Variants in NEGR1 observed in about 807,000 individuals in gnomAD.
NEGR1 encodes the protein neuronal growth regulator 1.
Under a neutral mutation model 40.9 loss-of-function variants are expected in NEGR1, and 10 were observed. The observed-to-expected ratio is 0.24, with a 90% CI of 0.15 to 0.42. The LOEUF (loss-of-function observed/expected upper bound fraction) is 0.42, where lower values mean the gene tolerates loss of function less well. Ranked by LOEUF, NEGR1 falls within the 10% of genes least tolerant of loss-of-function variation. The pLI is 1.00. For missense variants in NEGR1, 352 were observed against 438.9 expected, an observed-to-expected ratio of 0.80 and a Z score of 1.77; for synonymous variants, 185 against 166.8, an observed-to-expected ratio of 1.11 and a Z score of -0.84.
At position 71,451,490 on chromosome 1, in the gene NEGR1, C is replaced by T. The variant is rs894642085; in HGVS notation, c.941-43920G>A. Among the ~76,000 whole-genome samples the T allele has an allele frequency of 1.1e-4, 16 of 152,014 alleles. No homozygotes were observed. The South Asian group carries it at 1.2e-3, about 12-fold the overall frequency. ...CTGGGATTACAGGTGCCCGCCACCA[C>T]GCCCAGATAATTTTTTTGTATTTTT... On this transcript the variant is annotated intron_variant, in intron 6 of 6. Coordinates refer to ENST00000357731, the MANE Select transcript of NEGR1 (RefSeq NM_173808.3).
intron 1 of NEGR1, among the ~76,000 whole-genome samples, chr1:72,230,575 A>G (rs561366317): frequency 6.6e-6 from 1 of 152,218 alleles, no homozygotes; most frequent in East Asian, 1.9e-4. Flanking sequence ...CTTGGATCTC[A>G]AATGTCCTTC....
chr1:72,046,333 G>T (rs1338662352), intron 1 of NEGR1, among the ~76,000 whole-genome samples: 5 of 151,506 alleles, frequency 3.3e-5, no homozygotes, highest in East Asian at 1.9e-4. Flanking sequence ...AGTAAAGAAA[G>T]AACACATTGA....
At chr1:71,833,493 GA>G (rs905039395) in intron 2 of NEGR1, among the ~76,000 whole-genome samples, 4 of 152,144 alleles carry the variant, frequency 2.6e-5, no homozygotes, top group Admixed American at 6.6e-5. Context: ...TTTCTGGGGG[GA>G]AAAAAGTATT....
intron 2 of NEGR1, among the ~76,000 whole-genome samples, chr1:71,845,337 A>T (rs1258415097): frequency 6.6e-6 from 1 of 152,120 alleles, no homozygotes; most frequent in Non-Finnish European, 1.5e-5. Context: ...ATCATAATCA[A>T]TTTAATAAGT....
intron 1 of NEGR1, among the ~76,000 whole-genome samples, chr1:72,171,458 T>C (rs145743382): frequency 9.5e-4 from 145 of 152,276 alleles, no homozygotes; most frequent in African/African-American, 3.3e-3. Context: ...TGCTCTCAAG[T>C]AGAAATATCA....
chr1:71,489,858 C>T (rs1274492868), intron 6 of NEGR1: 1 of 151,822 alleles, frequency 6.6e-6, no homozygotes, highest in Non-Finnish European at 1.5e-5. Context: ...GGATTTGCTA[C>T]ATTGTTCTCA....
At position 72,205,733 on chromosome 1, in the gene NEGR1, CA is replaced by C. The variant is rs1653370924; in HGVS notation, c.176+76585del. The stretch of plus-strand genomic sequence containing the variant: ...CCCAGGAGCTCAAGACCAGCCCGGG[CA>C]AATGGCAAAACCCCATTTCTACAAA... On this transcript the variant is annotated intron_variant, in intron 1 of 6. Coordinates refer to ENST00000357731, the MANE Select transcript of NEGR1 (RefSeq NM_173808.3). Among the ~76,000 whole-genome samples the C allele has an allele frequency of 6.4e-5, 5 of 78,042 alleles. No homozygotes were observed. The South Asian group carries it at 1.9e-3, about 29-fold the overall frequency. The allele number at this position is 78,042 out of a possible 152,430, so 51.2% of individuals were successfully genotyped here.
chr1:72,179,356 CT>C (rs1472108374), intron 1 of NEGR1, among the ~76,000 whole-genome samples: 5 of 151,740 alleles, frequency 3.3e-5, no homozygotes, highest in Admixed American at 6.6e-5. Context: ...TGTTCCATTG[CT>C]TTATGTGTCT....
intron 1 of NEGR1, among the ~76,000 whole-genome samples, chr1:72,203,444 C>G (rs553516057): frequency 6.6e-6 from 1 of 152,050 alleles, no homozygotes; most frequent in Non-Finnish European, 1.5e-5. Context: ...TGAATTGCTG[C>G]AATCTTATAA....
At chr1:71,702,851 A>T (rs1036254533) in intron 3 of NEGR1, among the ~76,000 whole-genome samples, 2 of 152,018 alleles carry the variant, frequency 1.3e-5, no homozygotes, top group African/African-American at 2.4e-5. Flanking sequence ...ATCTCATGCA[A>T]TTTTCAAGCA....
chr1:72,091,417 C>T lies in NEGR1; in HGVS notation c.177-156106G>A, dbSNP rs1375984783. 5.6e-5 allele frequency among the ~76,000 whole-genome samples: 7 copies of T among 124,976 alleles called. No homozygotes were observed. In the South Asian group the frequency reaches 2.2e-3, roughly 39 times the overall value. 82.0% of individuals were successfully genotyped at this position (124,976 alleles called of 152,430 possible). A position where few individuals can be genotyped will look rare whatever the true frequency, so the allele number is the denominator to read the frequency against. On this transcript the variant is annotated intron_variant, in intron 1 of 6. Transcript: ENST00000357731. ...CTCCCTCCCTTCCTCCCTTCCTTCT[C>T]TCCTTCCCTCCTTCCCTCCCTCCCT...
At chr1:71,625,280 A>G (rs988681793) in intron 4 of NEGR1, among the ~76,000 whole-genome samples, 3 of 151,666 alleles carry the variant, frequency 2.0e-5, no homozygotes, top group Non-Finnish European at 2.9e-5. Context: ...TTATACTTAC[A>G]TGAATACACA....
chr1:71,719,836 C>A (rs1486618733), intron 3 of NEGR1, among the ~76,000 whole-genome samples: 3 of 152,010 alleles, frequency 2.0e-5, no homozygotes, highest in Non-Finnish European at 2.9e-5. Context: ...TCCATGTGTT[C>A]TTTTTAGGTG....
At chr1:71,417,225 G>A (rs1185304643) in intron 6 of NEGR1, among the ~76,000 whole-genome samples, 1 of 152,100 alleles carries the variant, frequency 6.6e-6, no homozygotes. Context: ...TCTTGACTCT[G>A]TAGGATCATA....
chr1:72,147,100 G>A (rs1164329495), intron 1 of NEGR1, among the ~76,000 whole-genome samples: 1 of 152,060 alleles, frequency 6.6e-6, no homozygotes, highest in South Asian at 2.1e-4. Context: ...GCGTCTTTGT[G>A]TTTGTATGTA....
At chr1:72,118,364 G>A (rs1445476766) in intron 1 of NEGR1, among the ~76,000 whole-genome samples, 1 of 151,738 alleles carries the variant, frequency 6.6e-6, no homozygotes, top group Non-Finnish European at 1.5e-5. Context: ...CAGATGTGGA[G>A]GGTTTTTTAA....
chr1:71,824,203 G>A (rs1395786438), intron 2 of NEGR1, among the ~76,000 whole-genome samples: 1 of 151,882 alleles, frequency 6.6e-6, no homozygotes, highest in Non-Finnish European at 1.5e-5. Context: ...CAGAGTTGAT[G>A]GTAGATATTT....
Position 72,114,675 on chromosome 1 carries a change from C to T in NEGR1, c.176+167644G>A, listed in dbSNP as rs1268040073. On this transcript the variant is annotated intron_variant, in intron 1 of 6. Transcript: ENST00000357731. Reference sequence around the variant, plus strand: ...TGCTTTGCTTGGAAGAAGCTTTTCACTTCCTTGTAATATTTCAAATGGTGT... The same window carrying T: ...TGCTTTGCTTGGAAGAAGCTTTTCATTTCCTTGTAATATTTCAAATGGTGT... Among the ~76,000 whole-genome samples the T allele has an allele frequency of 6.6e-5, 10 of 151,734 alleles. No homozygotes were observed. The Admixed American group carries it at 6.6e-4, about 10-fold the overall frequency.
At position 72,026,373 on chromosome 1, in the gene NEGR1, C is replaced by CTTT. The variant is rs34356052; in HGVS notation, c.177-91065_177-91063dup. Among the ~76,000 whole-genome samples the CTTT allele has an allele frequency of 5.1e-4, 73 of 143,668 alleles. 1 individual carries two copies. The highest frequency in any genetic ancestry group is 1.7e-3 in the African/African-American group (69 of 39,554). 94.3% of individuals were successfully genotyped at this position (143,668 alleles called of 152,430 possible). On this transcript the variant is annotated intron_variant, in intron 1 of 6. Coordinates refer to ENST00000357731, the MANE Select transcript of NEGR1 (RefSeq NM_173808.3). ...ACCCTTGTCTCTACTTCCAAGCTAC[C>CTTT]TTTTTTTTTTTTTCTCCAAAGGAGT...
Sources: allele counts gnomAD v4.1 joint callset (sites outside exome capture counted in the v4.1 genomes callset), GRCh38; gene constraint gnomAD v4.1.1; transcripts MANE v1.5; gene names NCBI Gene and HGNC (gene_info 2026-07-23, HGNC 2026-07-21).